INO80: variants seen among roughly 807,000 people sequenced by gnomAD.
INO80 encodes the protein INO80 complex ATPase subunit.
INO80 carries 20 observed loss-of-function variants against 203.4 expected under a neutral mutation model. The observed-to-expected ratio is 0.10, with a 90% CI of 0.07 to 0.14. The LOEUF (loss-of-function observed/expected upper bound fraction) is 0.14, where lower values mean the gene tolerates loss of function less well. Among genes scored for constraint, INO80 ranks in the 10% least tolerant of loss-of-function variants. The pLI is 1.00. For synonymous variants in INO80, 726 were observed against 685.2 expected, an observed-to-expected ratio of 1.06 and a Z score of -0.93; for missense variants, 1,419 against 1,914.4, an observed-to-expected ratio of 0.74 and a Z score of 4.83.
intron 14 of INO80, 82 bp downstream of exon 14, chr15:41,069,488 G>A: frequency 3.8e-6 from 3 of 798,974 alleles, no homozygotes; most frequent in South Asian, 3.5e-5. Flanking sequence ...AAACTGTTAT[G>A]AGTAATTAGT....
rs117775067 is a variant in INO80, at chr15:41,100,050, T to C, written c.-43-3697A>G. Among the ~76,000 whole-genome samples, 64 of 152,238 alleles carry C rather than the reference T, an allele frequency of 4.2e-4. 3 individuals are homozygous for C. The East Asian group carries it at 0.012, about 29-fold the overall frequency. On this transcript the variant is annotated intron_variant, in intron 1 of 35. Coordinates refer to ENST00000648947, the MANE Select transcript of INO80 (RefSeq NM_017553.3). ...TTAAGGAGGTATGACTACCAAGTAA[T>C]ACGGAGTGATTCGAAATGAATGGAA...
chr15:41,085,033 G>A (rs2140638147), intron 7 of INO80, among the ~76,000 whole-genome samples: 1 of 152,260 alleles, frequency 6.6e-6, no homozygotes, highest in South Asian at 2.1e-4. Flanking sequence ...TGCCATGCCT[G>A]GCCTCTTTTT....
At chr15:41,015,999 A>G in intron 27 of INO80, 89 bp downstream of exon 27, 1 of 1,063,522 alleles carries the variant, frequency 9.4e-7, no homozygotes, top group South Asian at 1.6e-5. Flanking sequence ...TGGGGCTCCC[A>G]TTAAGCAGGA....
chr15:41,096,074 TA>T, intron 2 of INO80, 93 bp downstream of exon 2: 1 of 1,434,496 alleles, frequency 7.0e-7, no homozygotes, highest in Non-Finnish European at 9.3e-7. Flanking sequence ...ATATCAAACA[TA>T]AAAATCATAA....
intron 26 of INO80, among the ~76,000 whole-genome samples, chr15:41,020,640 C>CTTT (rs11369722): frequency 6.8e-6 from 1 of 146,876 alleles, no homozygotes; most frequent in Non-Finnish European, 1.5e-5. Flanking sequence ...TTATTTCTAC[C>CTTT]TTTTTTTTTT....
At chr15:40,999,950 T>C (rs773375766) in intron 28 of INO80, among the ~76,000 whole-genome samples, 61 of 152,148 alleles carry the variant, frequency 4.0e-4, no homozygotes, top group Middle Eastern at 3.4e-3. Flanking sequence ...TTAAAAAAAT[T>C]AGCCAGGCAT....
In INO80 at chr15:41,001,040, C is replaced by A. The variant is rs529852278; in HGVS notation, c.3498-3439G>T. On this transcript the variant is annotated intron_variant, in intron 28 of 35. Transcript: ENST00000648947. ...TATAATCAAAGAAATTAGTTCCTAC[C>A]GTGGACTATACTGCTGTAAAAAACA... 3.9e-5 allele frequency among the ~76,000 whole-genome samples: 6 copies of A among 152,142 alleles called. No individual in the cohort carries two copies. The East Asian group carries it at 1.2e-3, about 29-fold the overall frequency.
chr15:41,110,418 C>T (rs1181014048), intron 1 of INO80, among the ~76,000 whole-genome samples: 1 of 151,578 alleles, frequency 6.6e-6, no homozygotes, highest in East Asian at 2.0e-4. Flanking sequence ...GCTGGGATTA[C>T]AGATTTAAGA....
intron 9 of INO80, among the ~76,000 whole-genome samples, chr15:41,075,745 T>C (rs900101545): frequency 6.6e-6 from 1 of 152,006 alleles, no homozygotes; most frequent in Admixed American, 6.6e-5. Flanking sequence ...TGAGCCACCA[T>C]GCCCAGCCCG....
chr15:41,011,754 G>C (rs2044136383), intron 27 of INO80: 1 of 152,188 alleles, frequency 6.6e-6, no homozygotes, highest in African/African-American at 2.4e-5. Flanking sequence ...GCATTTCTAA[G>C]AGAGGCCAAC....
rs1160486459 is a variant in INO80, at chr15:41,046,206, CATATATATAT to C, written c.2736-1141_2736-1132del. Among the ~76,000 whole-genome samples the C allele has an allele frequency of 8.2e-3, 118 of 14,418 alleles. 11 individuals are homozygous for C. The highest frequency in any genetic ancestry group is 0.025 in the African/African-American group (108 of 4,408). 9.5% of individuals were successfully genotyped at this position (14,418 alleles called of 152,430 possible). A position where few individuals can be genotyped will look rare whatever the true frequency, so the allele number is the denominator to read the frequency against. ...GTGTGTCTCTGTGTGCGTATACATACATATATATATATATATATATATATATATATATATA... is the reference window on the plus strand; with the variant it reads ...GTGTGTCTCTGTGTGCGTATACATACATATATATATATATATATATATATA... On this transcript the variant is annotated intron_variant, in intron 23 of 35. Coordinates refer to ENST00000648947, the MANE Select transcript of INO80 (RefSeq NM_017553.3).
chr15:41,054,097 C>A, intron 18 of INO80, 83 bp from the exon 19 acceptor site: 1 of 1,068,936 alleles, frequency 9.4e-7, no homozygotes, highest in South Asian at 1.4e-5. Flanking sequence ...TCACCTCTCA[C>A]CAAACTCTTC....
In INO80 at chr15:41,007,336, C is replaced by A. The variant is rs569360147; in HGVS notation, c.3403-1649G>T. Among the ~76,000 whole-genome samples, 3 of 152,060 alleles carry A rather than the reference C, an allele frequency of 2.0e-5. No individual in the cohort carries two copies. The East Asian group carries it at 5.8e-4, about 29-fold the overall frequency. The stretch of plus-strand genomic sequence containing the variant: ...CAGCTGGGATTACAGGCAACTGCCA[C>A]CACACCTGGCTAATTTTTCTATTTT... On this transcript the variant is annotated intron_variant, in intron 27 of 35. Coordinates refer to ENST00000648947, the MANE Select transcript of INO80 (RefSeq NM_017553.3).
At chr15:41,026,998 C>A (rs1411178885) in intron 25 of INO80, among the ~76,000 whole-genome samples, 1 of 152,222 alleles carries the variant, frequency 6.6e-6, no homozygotes, top group African/African-American at 2.4e-5. Context: ...TAAGCCCAAT[C>A]TGCAAACAAC....
intron 1 of INO80, among the ~76,000 whole-genome samples, chr15:41,111,609 CCTAG>C (rs780940771): frequency 2.6e-5 from 4 of 151,892 alleles, no homozygotes; most frequent in Non-Finnish European, 4.4e-5. Flanking sequence ...TTGAAACCAG[CCTAG>C]CTAACATGGT....
At chr15:41,019,899 C>G (rs1187402157) in intron 26 of INO80, among the ~76,000 whole-genome samples, 1 of 152,222 alleles carries the variant, frequency 6.6e-6, no homozygotes, top group Non-Finnish European at 1.5e-5. Flanking sequence ...ATGCTTAGCT[C>G]TAGTTTATTT....
intron 11 of INO80, 25 bp from the exon 12 acceptor site, chr15:41,072,083 T>C (rs766563092): frequency 2.4e-6 from 3 of 1,268,646 alleles, no homozygotes; most frequent in East Asian, 5.3e-5. Flanking sequence ...AAAAAAAAAT[T>C]AGAAAAAAAA....
At chr15:40,980,504 T>A (rs915138183) in intron 35 of INO80, 64 bp from the exon 36 acceptor site, 21 of 1,269,806 alleles carry the variant, frequency 1.7e-5, no homozygotes, top group Non-Finnish European at 2.4e-5. Flanking sequence ...TTGGAGCCTG[T>A]GGCCTTGGTT....
chr15:41,069,531 T>C, intron 14 of INO80, 39 bp downstream of exon 14: 1 of 1,230,838 alleles, frequency 8.1e-7, no homozygotes, highest in South Asian at 1.3e-5. Context: ...AAAGTTTATT[T>C]TAAAGAGCAA....
Sources: allele counts gnomAD v4.1 joint callset (sites outside exome capture counted in the v4.1 genomes callset), GRCh38; gene constraint gnomAD v4.1.1; transcripts MANE v1.5; gene names NCBI Gene and HGNC (gene_info 2026-07-23, HGNC 2026-07-21).